RAB3GAP1: variants seen among roughly 807,000 people sequenced by gnomAD.
RAB3GAP1 encodes RAB3 GTPase activating protein catalytic subunit 1, also known as rab3 GTPase-activating protein catalytic subunit.
RAB3GAP1 carries 86 observed loss-of-function variants against 130.7 expected under a neutral mutation model. The observed-to-expected ratio is 0.66, with a 90% confidence interval of 0.55 to 0.79. The LOEUF is 0.79. Ranked by LOEUF, RAB3GAP1 falls within the 30% of genes least tolerant of loss-of-function variation. The pLI, the probability that RAB3GAP1 is intolerant of heterozygous loss-of-function variation, is 0.00. For missense variants in RAB3GAP1, 1,029 were observed against 1,169.4 expected (o/e 0.88, Z 1.75); for synonymous variants, 367 against 401.7 (o/e 0.91, Z 1.03).
chr2:135,065,647 T>C (rs970680477), intron 3 of RAB3GAP1, among the ~76,000 whole-genome samples: 8 of 152,186 alleles, frequency 5.3e-5, no homozygotes, highest in African/African-American at 1.9e-4. Context: ...GATGGTAATG[T>C]ACCAATGTTG....
chr2:135,163,268 G>A (rs1254891480), intron 22 of RAB3GAP1, among the ~76,000 whole-genome samples, 167 bp downstream of exon 22: 2 of 152,152 alleles, frequency 1.3e-5, no homozygotes, highest in African/African-American at 4.8e-5. Context: ...GACCTCTCCC[G>A]TATTTCTGAG....
intron 3 of RAB3GAP1, among the ~76,000 whole-genome samples, chr2:135,073,156 C>A (rs578152668): frequency 6.6e-6 from 1 of 152,128 alleles, no homozygotes; most frequent in South Asian, 2.1e-4. Flanking sequence ...TAGACATTGC[C>A]GAGGACTGGT....
chr2:135,117,474 G>GCTTCTTCTTCTGCTT (rs1212745711), intron 7 of RAB3GAP1, among the ~76,000 whole-genome samples: 1 of 27,442 alleles, frequency 3.6e-5, no homozygotes, highest in Non-Finnish European at 9.2e-5. Flanking sequence ...TTCTGCTTCT[G>GCTTCTTCTTCTGCTT]CTTCTTCTGC....
Position 135,126,760 on chromosome 2 carries a change from C to T in RAB3GAP1, c.973+104C>T, listed in dbSNP as rs111768964. 3.4e-5 allele frequency: 34 copies of T among 988,118 alleles called. 1 individual carries two copies. Among genetic ancestry groups the T allele is most frequent in the African/African-American group, 3.3e-4 (21 of 62,848 alleles). The allele number at this position is 988,118 out of a possible 1,614,324, so 61.2% of individuals were successfully genotyped here. ...TATACTTTGTCACCTCTTCAGTTAA[C>T]ACCATGTAGGAAAAAAATCATTGCC... On this transcript the variant is annotated intron_variant, in intron 11 of 23. Transcript: ENST00000264158.
intron 6 of RAB3GAP1, among the ~76,000 whole-genome samples, chr2:135,114,090 C>T (rs1356799289): frequency 6.6e-6 from 1 of 152,028 alleles, no homozygotes; most frequent in African/African-American, 2.4e-5. Flanking sequence ...GAAAATTTTT[C>T]TTTTAACAAT....
At chr2:135,110,396 A>C (rs1031098121) in intron 5 of RAB3GAP1, among the ~76,000 whole-genome samples, 1 of 152,200 alleles carries the variant, frequency 6.6e-6, no homozygotes, top group Non-Finnish European at 1.5e-5. Flanking sequence ...TGGCCTGCCA[A>C]GATACTGGCA....
At chr2:135,075,207 T>A (rs1453871500) in intron 3 of RAB3GAP1, among the ~76,000 whole-genome samples, 2 of 152,218 alleles carry the variant, frequency 1.3e-5, no homozygotes, top group Non-Finnish European at 2.9e-5. Flanking sequence ...ACTGTTTCCC[T>A]TGTTCTTTCT....
rs569651687 is a variant in RAB3GAP1, at chr2:135,097,081, A to G, written c.362+3388A>G. On this transcript the variant is annotated intron_variant, in intron 5 of 23. Coordinates refer to ENST00000264158, the MANE Select transcript of RAB3GAP1 (RefSeq NM_012233.3). ...GAGGTGAGCAGTTCTCTGAACTTCA[A>G]CACTTTATATAGTTTTTTACTAGTA... 7.9e-5 allele frequency among the ~76,000 whole-genome samples: 12 copies of G among 152,250 alleles called. No homozygotes were observed. In the East Asian group the frequency reaches 1.9e-3, roughly 24 times the overall value.
In RAB3GAP1 at chr2:135,134,044, C is replaced by G; in HGVS notation, c.1499+11C>G. On this transcript the variant is annotated intron_variant, in intron 15 of 23. Coordinates refer to ENST00000264158, the MANE Select transcript of RAB3GAP1 (RefSeq NM_012233.3). ...CTTTCTGATTCCAGGGTAATAATTT[C>G]AATTTTCAATTGTTTGGATACGATT... The G allele has an allele frequency of 6.2e-7, 1 of 1,613,232 alleles. No individual in the cohort carries two copies. The highest frequency in any genetic ancestry group is 1.7e-5 in the Admixed American group (1 of 59,996).
chr2:135,126,382 G>A, intron 10 of RAB3GAP1, 133 bp downstream of exon 10: 3 of 900,078 alleles, frequency 3.3e-6, no homozygotes, highest in South Asian at 1.6e-5. Context: ...GTGTTTTATT[G>A]TCTAAGGACT....
intron 13 of RAB3GAP1, among the ~76,000 whole-genome samples, chr2:135,132,389 G>A (rs2104946137): frequency 6.6e-6 from 1 of 152,226 alleles, no homozygotes; most frequent in East Asian, 1.9e-4. Context: ...GTTATTATAG[G>A]TTTAGACTGC....
intron 5 of RAB3GAP1, among the ~76,000 whole-genome samples, chr2:135,108,991 A>T (rs180982997): frequency 1.6e-4 from 25 of 152,210 alleles, no homozygotes; most frequent in African/African-American, 4.8e-4. Flanking sequence ...GACTATATTT[A>T]TCTGGGTCTA....
intron 11 of RAB3GAP1, among the ~76,000 whole-genome samples, chr2:135,127,837 G>T (rs1184634070): frequency 6.6e-6 from 1 of 152,152 alleles, no homozygotes; most frequent in Non-Finnish European, 1.5e-5. Context: ...TAATATTATT[G>T]TGTCTTATGT....
chr2:135,150,588 T>G, intron 18 of RAB3GAP1, 82 bp downstream of exon 18: 1 of 1,562,734 alleles, frequency 6.4e-7, no homozygotes, highest in Admixed American at 1.7e-5. Flanking sequence ...TAAAGTGGTA[T>G]AAAGGCCTGA....
intron 17 of RAB3GAP1, among the ~76,000 whole-genome samples, chr2:135,143,632 A>G (rs1691910868): frequency 7.1e-6 from 1 of 141,018 alleles, no homozygotes; most frequent in African/African-American, 2.7e-5. Flanking sequence ...ATCTCGGCTC[A>G]CTGCAAGCTC....
chr2:135,166,047 C>G (rs1692638675), intron 23 of RAB3GAP1, among the ~76,000 whole-genome samples: 1 of 151,808 alleles, frequency 6.6e-6, no homozygotes, highest in Non-Finnish European at 1.5e-5. Context: ...TGGTGAGCAC[C>G]TGTAATCTCA....
In RAB3GAP1 at chr2:135,162,541, T is replaced by C. The variant is rs759520781; in HGVS notation, c.2290-14T>C. On this transcript the variant is annotated splice_polypyrimidine_tract_variant and intron_variant, in intron 19 of 23. Coordinates refer to ENST00000264158, the MANE Select transcript of RAB3GAP1 (RefSeq NM_012233.3). ...ACCTGCGCTGATCATTTGTGTGCGCTGCACCTCCTTCAGGTGCTGCACTAT... is the reference window on the plus strand; with the variant it reads ...ACCTGCGCTGATCATTTGTGTGCGCCGCACCTCCTTCAGGTGCTGCACTAT... 29 of 1,599,938 alleles carry C rather than the reference T, an allele frequency of 1.8e-5. No homozygotes were observed. The highest frequency in any genetic ancestry group is 2.7e-5 in the African/African-American group (2 of 74,742).
intron 10 of RAB3GAP1, 133 bp from the exon 11 acceptor site, chr2:135,126,450 A>T: frequency 1.0e-6 from 1 of 975,776 alleles, no homozygotes; most frequent in African/African-American, 1.6e-5. Context: ...ATGTATCTGG[A>T]TAAGAGTAAG....
At chr2:135,139,346 G>C (rs931155179) in intron 17 of RAB3GAP1, among the ~76,000 whole-genome samples, 1 of 151,994 alleles carries the variant, frequency 6.6e-6, no homozygotes, top group African/African-American at 2.4e-5. Flanking sequence ...TTCAAGACCA[G>C]CCTGAGGAAC....
Sources: gnomAD v4.1 joint callset for allele counts (sites outside exome capture counted in the v4.1 genomes callset) on GRCh38, gnomAD v4.1.1 for gene constraint, MANE v1.5 for transcripts, NCBI Gene and HGNC (gene_info 2026-07-23, HGNC 2026-07-21) for gene names.